ASCC1: variants seen among roughly 807,000 people sequenced by gnomAD.
ASCC1 encodes the protein activating signal cointegrator 1 complex subunit 1, also known as ASC-1 complex subunit P50.
ASCC1 carries 35 observed loss-of-function variants against 46.6 expected under a neutral mutation model. The ratio of observed to expected loss-of-function variants is 0.75; its 90% CI spans 0.57 to 0.99. The LOEUF is 0.99. Among genes scored for constraint, ASCC1 ranks in the 50% least tolerant of loss-of-function variants. The probability of loss-of-function intolerance (pLI) is 0.00; values close to 1 mark genes in which losing one functional copy is unlikely to be tolerated. For missense variants in ASCC1, 376 were observed against 428.7 expected, an observed-to-expected ratio of 0.88 and a Z score of 1.09; for synonymous variants, 143 against 146.6, an observed-to-expected ratio of 0.98 and a Z score of 0.18.
chr10:72,155,819 G>A (rs990153459), intron 6 of ASCC1, among the ~76,000 whole-genome samples: 10 of 152,100 alleles, frequency 6.6e-5, no homozygotes, highest in African/African-American at 2.2e-4. Flanking sequence ...AGCTCACTGC[G>A]CAGCCTTCTC....
chr10:72,217,048 C>A (rs1232477822), upstream of ASCC1: 1 of 454,204 alleles, frequency 2.2e-6, no homozygotes, highest in Non-Finnish European at 4.4e-6. Context: ...GTCGTTTGTT[C>A]ATCATTCATT....
At chr10:72,169,038 T>C (rs1359925214) in intron 5 of ASCC1, among the ~76,000 whole-genome samples, 1 of 152,216 alleles carries the variant, frequency 6.6e-6, no homozygotes, top group African/African-American at 2.4e-5. Flanking sequence ...AGGTTAGACA[T>C]TACAGCATTA....
At chr10:72,181,668 G>A (rs967155503) in intron 5 of ASCC1, among the ~76,000 whole-genome samples, 4 of 151,532 alleles carry the variant, frequency 2.6e-5, no homozygotes, top group African/African-American at 9.7e-5. Flanking sequence ...CAGAATCTCA[G>A]TAACTTGTGC....
At chr10:72,125,687 A>G (rs1447070690) in intron 9 of ASCC1, among the ~76,000 whole-genome samples, 3 of 152,206 alleles carry the variant, frequency 2.0e-5, no homozygotes, top group Non-Finnish European at 4.4e-5. Context: ...CTCTTGATTG[A>G]ACATAGGTGA....
At position 72,097,029 on chromosome 10, in the gene ASCC1, C is replaced by CTG. The variant is rs1236159645; in HGVS notation, c.*303_*304dup. The CTG allele has an allele frequency of 2.1e-5, 10 of 466,772 alleles. No homozygotes were observed. The highest frequency in any genetic ancestry group is 9.3e-5 in the Admixed American group (4 of 42,898). The allele number at this position is 466,772 out of a possible 1,614,324, so 28.9% of individuals were successfully genotyped here. A position where few individuals can be genotyped will look rare whatever the true frequency, so the allele number is the denominator to read the frequency against. ...TGTATTAACAGTTAACGTTACTGAA[C>CTG]TGTGCACTTAAAAATGGTGAAGACA... is the stretch of plus-strand genomic sequence containing the variant. On this transcript the variant is annotated 3_prime_UTR_variant, in exon 10 of 10. Transcript: ENST00000672957.
rs780444781 is a variant in ASCC1 at position 72,203,502 on chromosome 10, C to T, written c.235G>A (p.Asp79Asn). The T allele has an allele frequency of 3.5e-5, 56 of 1,611,872 alleles. No individual in the cohort carries two copies. The highest frequency in any genetic ancestry group is 4.5e-5 in the Non-Finnish European group (53 of 1,178,458). ...LYKHIVGKRG[D>N]TRKKIEMETK... ...TCCATTTCTATTTTCTTCCTAGTGT[C>T]CCCTCTCTTTCCAACTATATGCCTG... is the stretch of plus-strand genomic sequence containing the variant. The change falls in exon 4 of 10, where the codon GAC (aspartate) becomes AAC (asparagine). Residue 79 changes from aspartate to asparagine, a missense_variant. Coordinates refer to ENST00000672957, the MANE Select transcript of ASCC1 (RefSeq NM_001198800.3).
At chr10:72,150,512 G>C (rs1848202204) in intron 7 of ASCC1, among the ~76,000 whole-genome samples, 3 of 152,152 alleles carry the variant, frequency 2.0e-5, no homozygotes, top group Admixed American at 1.3e-4. Context: ...TTCACCAAAA[G>C]CTTTGATTCA....
At chr10:72,121,781 G>T (rs1316167840) in intron 9 of ASCC1, among the ~76,000 whole-genome samples, 3 of 152,168 alleles carry the variant, frequency 2.0e-5, no homozygotes, top group Admixed American at 2.0e-4. Context: ...AAGAAACAAT[G>T]AACTCACTAT....
intron 9 of ASCC1, among the ~76,000 whole-genome samples, chr10:72,102,588 T>C (rs1841899732): frequency 6.6e-6 from 1 of 152,180 alleles, no homozygotes; most frequent in Non-Finnish European, 1.5e-5. Flanking sequence ...CTGCTTATAA[T>C]GGTATTTACC....
At chr10:72,170,343 G>A (rs1315099087) in intron 5 of ASCC1, among the ~76,000 whole-genome samples, 1 of 152,016 alleles carries the variant, frequency 6.6e-6, no homozygotes, top group Non-Finnish European at 1.5e-5. Flanking sequence ...CTCTAAGAAG[G>A]ACACATTATC....
At chr10:72,181,447 A>G (rs1291683509) in intron 5 of ASCC1, among the ~76,000 whole-genome samples, 2 of 152,232 alleles carry the variant, frequency 1.3e-5, no homozygotes, top group East Asian at 3.8e-4. Flanking sequence ...AATTATTTTC[A>G]TACATGGTTG....
At chr10:72,126,801 A>G (rs946657793) in intron 9 of ASCC1, among the ~76,000 whole-genome samples, 4 of 152,232 alleles carry the variant, frequency 2.6e-5, no homozygotes, top group Non-Finnish European at 4.4e-5. Flanking sequence ...AAAAAACAGT[A>G]AAGTTAACTA....
intron 4 of ASCC1, among the ~76,000 whole-genome samples, chr10:72,199,719 TTC>T (rs1456730592): frequency 6.6e-6 from 1 of 152,058 alleles, no homozygotes; most frequent in Non-Finnish European, 1.5e-5. Context: ...AGTTTTTATT[TTC>T]TCTTCTTTGT....
intron 7 of ASCC1, among the ~76,000 whole-genome samples, chr10:72,139,725 A>C (rs949529012): frequency 6.6e-6 from 1 of 152,214 alleles, no homozygotes; most frequent in African/African-American, 2.4e-5. Flanking sequence ...ATGATCACTG[A>C]CTGCCTAGAA....
chr10:72,181,243 T>C (rs576604651), intron 5 of ASCC1, among the ~76,000 whole-genome samples: 4 of 152,208 alleles, frequency 2.6e-5, no homozygotes, highest in South Asian at 2.1e-4. Flanking sequence ...GGATTACAGG[T>C]GTGAGCCACC....
chr10:72,214,207 C>CA (rs908179952), intron 1 of ASCC1, among the ~76,000 whole-genome samples: 2 of 145,784 alleles, frequency 1.4e-5, no homozygotes, highest in Middle Eastern at 3.2e-3. Context: ...ACAACAACAA[C>CA]AAAAAAAAGA....
At chr10:72,200,352 T>C (rs1856319848) in intron 4 of ASCC1, among the ~76,000 whole-genome samples, 1 of 152,124 alleles carries the variant, frequency 6.6e-6, no homozygotes, top group Non-Finnish European at 1.5e-5. Flanking sequence ...ATTAATTTTA[T>C]AATCAGAAAA....
At chr10:72,196,671 TA>T (rs1159474861) in intron 5 of ASCC1, 139 bp downstream of exon 5, 1 of 851,126 alleles carries the variant, frequency 1.2e-6, no homozygotes, top group African/African-American at 1.7e-5. Context: ...TTCAGTTCAA[TA>T]TAAGAAGCCA....
intron 9 of ASCC1, among the ~76,000 whole-genome samples, chr10:72,113,774 C>T (rs139981974): frequency 0.011 from 1,691 of 152,274 alleles, 22 homozygotes; most frequent in African/African-American, 0.038. Context: ...TAGTATATTG[C>T]TTTTCTATTG....
Sources: gnomAD v4.1 joint callset for allele counts (sites outside exome capture counted in the v4.1 genomes callset) on GRCh38, gnomAD v4.1.1 for gene constraint, MANE v1.5 for transcripts, NCBI Gene and HGNC (gene_info 2026-07-23, HGNC 2026-07-21) for gene names.